The following DCAF10 variants were observed in gnomAD, a reference collection of about 807,000 sequenced individuals.
The protein encoded by DCAF10 is DDB1 and CUL4 associated factor 10.
A neutral mutation model predicts 51.9 loss-of-function variants in DCAF10; 19 were observed. The ratio of observed to expected loss-of-function variants is 0.37; its 90% CI spans 0.26 to 0.54. DCAF10 has a LOEUF of 0.54. DCAF10 is among the 20% of genes least tolerant of loss of function. DCAF10 has a pLI of 0.87. For synonymous variants in DCAF10, 291 were observed against 297.1 expected, an observed-to-expected ratio of 0.98 and a Z score of 0.21; for missense variants, 510 against 730.6, an observed-to-expected ratio of 0.70 and a Z score of 3.48.
chr9:37,836,344 T>C, intron 2 of DCAF10: 1 of 1,610,672 alleles, frequency 6.2e-7, no homozygotes, highest in Non-Finnish European at 8.5e-7. Context: ...CCAGAACACA[T>C]CAAGGAGCCA....
chr9:37,813,254 A>G (rs1829409451), intron 1 of DCAF10, among the ~76,000 whole-genome samples: 1 of 152,024 alleles, frequency 6.6e-6, no homozygotes. Context: ...ATAAGCCACT[A>G]TGCCTGGCCA....
chr9:37,840,376 T>C (rs1011633751), intron 2 of DCAF10, among the ~76,000 whole-genome samples: 1 of 152,226 alleles, frequency 6.6e-6, no homozygotes, highest in Non-Finnish European at 1.5e-5. Flanking sequence ...CCTGGAGGCC[T>C]TCCAGTGGGG....
rs376941102 is a variant in DCAF10, at chr9:37,817,978, A to C, written c.540-1310A>C. ...TTATGCAGACAAGTCCATGATTAGT[A>C]AATAAAGAAAAGATTTCAACTTTTT... On this transcript the variant is annotated intron_variant, in intron 1 of 6. Transcript: ENST00000377724. Among the ~76,000 whole-genome samples, 7 of 152,230 alleles carry C rather than the reference A, an allele frequency of 4.6e-5. 1 individual carries two copies. The highest frequency in any genetic ancestry group is 4.6e-4 in the Admixed American group (7 of 15,286).
intron 3 of DCAF10, among the ~76,000 whole-genome samples, chr9:37,850,832 A>T (rs1442524274): frequency 3.0e-4 from 2 of 6,560 alleles, no homozygotes; most frequent in Non-Finnish European, 3.4e-4. Flanking sequence ...TATTTTATAT[A>T]TATATATATA....
At chr9:37,817,553 G>A (rs549697672) in intron 1 of DCAF10, among the ~76,000 whole-genome samples, 10 of 152,168 alleles carry the variant, frequency 6.6e-5, no homozygotes, top group Non-Finnish European at 1.2e-4. Context: ...AACTGAGGTC[G>A]CGCCACCACA....
intron 2 of DCAF10, among the ~76,000 whole-genome samples, chr9:37,831,590 T>C (rs920741569): frequency 9.9e-5 from 15 of 152,236 alleles, no homozygotes; most frequent in African/African-American, 3.6e-4. Context: ...TAATGTCTTC[T>C]AGTTCATTTC....
chr9:37,855,512 G>T (rs936114757), intron 4 of DCAF10, among the ~76,000 whole-genome samples: 17 of 152,112 alleles, frequency 1.1e-4, no homozygotes, highest in African/African-American at 4.1e-4. Context: ...AGACTTAAGA[G>T]AATTTAGGGT....
At chr9:37,834,363 CA>C (rs1830091173) in intron 2 of DCAF10, among the ~76,000 whole-genome samples, 1 of 152,128 alleles carries the variant, frequency 6.6e-6, no homozygotes, top group Non-Finnish European at 1.5e-5. Context: ...TAAACTTATT[CA>C]ATTCAAAACT....
intron 3 of DCAF10, among the ~76,000 whole-genome samples, chr9:37,850,787 G>A (rs914237502): frequency 1.6e-5 from 2 of 126,550 alleles, no homozygotes; most frequent in Non-Finnish European, 3.2e-5. Context: ...TAGATTTTAA[G>A]TTTTATCATC....
chr9:37,817,086 G>A lies in DCAF10; in HGVS notation c.540-2202G>A, dbSNP rs375018775. On this transcript the variant is annotated intron_variant, in intron 1 of 6. Coordinates refer to ENST00000377724, the MANE Select transcript of DCAF10 (RefSeq NM_024345.5). The stretch of plus-strand genomic sequence containing the variant: ...TACAGTCGAAGAACAAAACTTGTAT[G>A]TAGTGAAGATGGCATTATAAACCAA... Among the ~76,000 whole-genome samples the A allele has an allele frequency of 5.9e-5, 9 of 152,294 alleles. No homozygotes were observed. The East Asian group carries it at 7.7e-4, about 13-fold the overall frequency.
intron 2 of DCAF10, among the ~76,000 whole-genome samples, chr9:37,828,139 C>T (rs902091249): frequency 7.2e-5 from 11 of 152,154 alleles, no homozygotes; most frequent in African/African-American, 2.4e-4. Flanking sequence ...CCTCCCACCT[C>T]GGCCTCCCTA....
At chr9:37,825,943 G>C (rs781007396) in intron 2 of DCAF10, among the ~76,000 whole-genome samples, 6 of 152,060 alleles carry the variant, frequency 3.9e-5, no homozygotes, top group Non-Finnish European at 7.4e-5. Context: ...GCTGAGGCAG[G>C]AGAATCGCTG....
Position 37,829,497 on chromosome 9 carries a change from C to T in DCAF10, c.653+10096C>T, listed in dbSNP as rs1157616827. Reference sequence around the variant, plus strand: ...AAAAAACTACAATGAAGAATAACTACAGAAAGATGTTCAAGCTTATCATTT... The same window carrying T: ...AAAAAACTACAATGAAGAATAACTATAGAAAGATGTTCAAGCTTATCATTT... On this transcript the variant is annotated intron_variant, in intron 2 of 6. Transcript: ENST00000377724. The surrounding 1 kb of genome is among the most constrained non-coding windows in gnomAD (Gnocchi z 4.2). Among the ~76,000 whole-genome samples the T allele has an allele frequency of 1.3e-5, 2 of 151,860 alleles. No individual in the cohort carries two copies.
chr9:37,816,011 C>G (rs1419012553), intron 1 of DCAF10, among the ~76,000 whole-genome samples: 1 of 152,182 alleles, frequency 6.6e-6, no homozygotes, highest in Non-Finnish European at 1.5e-5. Flanking sequence ...ACAGGCTGGT[C>G]TCAAACTCCT....
Position 37,801,559 on chromosome 9 carries a change from C to T in DCAF10, c.539+154C>T, listed in dbSNP as rs1258199240. 2 of 973,106 alleles carry T rather than the reference C, an allele frequency of 2.1e-6. No individual in the cohort carries two copies. The highest frequency in any genetic ancestry group is 3.3e-5 in the East Asian group (1 of 30,126). 60.3% of individuals were successfully genotyped at this position (973,106 alleles called of 1,614,324 possible). A position where few individuals can be genotyped will look rare whatever the true frequency, so the allele number is the denominator to read the frequency against. The stretch of plus-strand genomic sequence containing the variant: ...GTGCCTCCTGGCACTTTCTGAAGCG[C>T]ATTCTCGCCCTTGGAATCCCCAGCC... On this transcript the variant is annotated intron_variant, in intron 1 of 6. Coordinates refer to ENST00000377724, the MANE Select transcript of DCAF10 (RefSeq NM_024345.5). The surrounding 1 kb of genome is among the most constrained non-coding windows in gnomAD (Gnocchi z 5.5).
intron 2 of DCAF10, among the ~76,000 whole-genome samples, chr9:37,838,868 CAA>C (rs893579427): frequency 2.5e-5 from 3 of 120,666 alleles, no homozygotes; most frequent in African/African-American, 3.1e-5. Context: ...ACTCTGTCTC[CAA>C]AAAAAAAAAA....
At chr9:37,822,404 GATATATATATAT>G (rs59549239) in intron 2 of DCAF10, among the ~76,000 whole-genome samples, 16,365 of 124,384 alleles carry the variant, frequency 0.13, 1,347 homozygotes, top group East Asian at 0.32. Context: ...AAGAAACTGT[GATATATATATAT>G]ATATATATAT....
chr9:37,826,076 TAA>T (rs373471414), intron 2 of DCAF10, among the ~76,000 whole-genome samples: 21 of 142,588 alleles, frequency 1.5e-4, no homozygotes, highest in African/African-American at 3.6e-4. Context: ...TATATTTCTT[TAA>T]AAAAAAAAAA....
chr9:37,801,656 G>A lies in DCAF10; in HGVS notation c.539+251G>A, dbSNP rs1026591452. On this transcript the variant is annotated intron_variant, in intron 1 of 6. Transcript: ENST00000377724. This position sits in a 1 kb window ranked among gnomAD's most constrained non-coding sequence, Gnocchi z 5.5. Reference sequence around the variant, plus strand: ...GACTTGGGCTCTGTGAAGGAGAAATGCCCGAAGCTACACAGCGGACCTGTC... The same window carrying A: ...GACTTGGGCTCTGTGAAGGAGAAATACCCGAAGCTACACAGCGGACCTGTC... Among the ~76,000 whole-genome samples the A allele has an allele frequency of 1.3e-5, 2 of 152,204 alleles. No individual in the cohort carries two copies. Among genetic ancestry groups the A allele is most frequent in the Non-Finnish European group, 2.9e-5 (2 of 68,028 alleles).
Sources: allele counts gnomAD v4.1 joint callset (sites outside exome capture counted in the v4.1 genomes callset), GRCh38; gene constraint gnomAD v4.1.1; non-coding constraint Gnocchi (gnomAD v3.1); transcripts MANE v1.5; gene names NCBI Gene and HGNC (gene_info 2026-07-23, HGNC 2026-07-21).